The following CCT6A variants were observed in gnomAD, a reference collection of about 807,000 sequenced individuals.
CCT6A encodes the protein chaperonin containing TCP1 subunit 6A.
A neutral mutation model predicts 58.6 loss-of-function variants in CCT6A; 6 were observed. That is an observed-to-expected ratio of 0.10 (90% CI 0.06 to 0.20). The LOEUF (loss-of-function observed/expected upper bound fraction) is 0.20, where lower values mean the gene tolerates loss of function less well. Ranked by LOEUF, CCT6A falls within the 10% of genes least tolerant of loss-of-function variation. The pLI, the probability that CCT6A is intolerant of heterozygous loss-of-function variation, is 1.00. For synonymous variants in CCT6A, 245 were observed against 227.8 expected, an observed-to-expected ratio of 1.08 and a Z score of -0.68; for missense variants, 516 against 648.8, an observed-to-expected ratio of 0.80 and a Z score of 2.22.
At chr7:56,061,893 CGT>C in intron 12 of CCT6A, 44 bp downstream of exon 12, 1 of 1,078,982 alleles carries the variant, frequency 9.3e-7, no homozygotes, top group South Asian at 1.4e-5. Context: ...AGATGTAATA[CGT>C]GTGAGTTGAA....
At chr7:56,054,593 A>G (rs1794264895) in intron 3 of CCT6A, 90 bp downstream of exon 3, 1 of 1,273,514 alleles carries the variant, frequency 7.9e-7, no homozygotes, top group Non-Finnish European at 1.1e-6. Context: ...ATAGTAGCTG[A>G]GGTCATACAG....
At chr7:56,054,555 G>A (rs1274840425) in intron 3 of CCT6A, 52 bp downstream of exon 3, 8 of 1,544,102 alleles carry the variant, frequency 5.2e-6, no homozygotes, top group Non-Finnish European at 1.8e-6. Context: ...GGAAGTGTCT[G>A]ATATTTATAC....
chr7:56,058,353 T>C lies in CCT6A; in HGVS notation c.726-9T>C, dbSNP rs1265106767. 9.0e-6 allele frequency: 14 copies of C among 1,555,100 alleles called. No individual in the cohort carries two copies. The highest frequency in any genetic ancestry group is 1.0e-5 in the Non-Finnish European group (12 of 1,156,508). ...CCCTGCTTTCTGTAACTTTTTTTTT[T>C]CTTAATAGAGAAGTGAATTCTGGCT... On this transcript the variant is annotated splice_polypyrimidine_tract_variant and intron_variant, in intron 6 of 13. Transcript: ENST00000275603.
intron 5 of CCT6A, 141 bp downstream of exon 5, chr7:56,056,555 T>G: frequency 1.8e-6 from 1 of 570,290 alleles, no homozygotes; most frequent in Non-Finnish European, 3.2e-6. Flanking sequence ...AAACCCCGTC[T>G]CTATTAAAAT....
Position 56,063,456 on chromosome 7 carries a change from A to T in CCT6A, c.*371A>T. ...GTATGTTAAATTATCCAACTACCCT[A>T]TTGTTAAGCATTTGGTTTTAAAATT... is the stretch of plus-strand genomic sequence containing the variant. On this transcript the variant is annotated 3_prime_UTR_variant, in exon 14 of 14. Coordinates refer to ENST00000275603, the MANE Select transcript of CCT6A (RefSeq NM_001762.4). The T allele has an allele frequency of 4.9e-6, 1 of 202,364 alleles. No individual in the cohort carries two copies. The highest frequency in any genetic ancestry group is 1.0e-5 in the Non-Finnish European group (1 of 98,748). 12.5% of individuals were successfully genotyped at this position (202,364 alleles called of 1,614,324 possible). A position where few individuals can be genotyped will look rare whatever the true frequency, so the allele number is the denominator to read the frequency against.
chr7:56,053,668 C>T (rs768501715), intron 2 of CCT6A, among the ~76,000 whole-genome samples: 60 of 152,036 alleles, frequency 3.9e-4, no homozygotes, highest in African/African-American at 1.1e-3. Flanking sequence ...GCAGGAGAAT[C>T]GATCGCTTAA....
chr7:56,054,488 T>G lies in CCT6A; in HGVS notation c.321T>G (p.Asp107Glu). ...LIIGELLKQA[D>E]LYISEGLHPR... The stretch of plus-strand genomic sequence containing the variant: ...TTGGAGAGCTGCTGAAACAGGCGGA[T>G]CTCTACATTTCTGAAGTATGCACAA... The change falls in exon 3 of 14, where the codon GAT (aspartate) becomes GAG (glutamate). Residue 107 changes from aspartate (D) to glutamate (E), a missense_variant. Asp to Glu is a conservative substitution (Grantham distance 45). Transcript: ENST00000275603. 6.2e-7 allele frequency: 1 copy of G among 1,613,032 alleles called. No individual in the cohort carries two copies. The highest frequency in any genetic ancestry group is 8.5e-7 in the Non-Finnish European group (1 of 1,179,440).
At chr7:56,052,868 A>G (rs1268810255) in intron 2 of CCT6A, among the ~76,000 whole-genome samples, 1 of 150,094 alleles carries the variant, frequency 6.7e-6, no homozygotes, top group Non-Finnish European at 1.5e-5. Flanking sequence ...ATCTCAACTC[A>G]CTGCAACCTC....
In CCT6A at chr7:56,062,774, A is replaced by C. The variant is rs376466241; in HGVS notation, c.1523+19A>C. Reference sequence around the variant, plus strand: ...ACTCCTGGTAAGTTTGGGAAAATGAAAACTAAACTGTTAGAGAATCATACT... The same window carrying C: ...ACTCCTGGTAAGTTTGGGAAAATGACAACTAAACTGTTAGAGAATCATACT... On this transcript the variant is annotated intron_variant, in intron 13 of 13. Coordinates refer to ENST00000275603, the MANE Select transcript of CCT6A (RefSeq NM_001762.4). 6 of 1,577,006 alleles carry C rather than the reference A, an allele frequency of 3.8e-6. No individual in the cohort carries two copies. Among genetic ancestry groups the C allele is most frequent in the Non-Finnish European group, 5.2e-6 (6 of 1,151,190 alleles).
At position 56,063,848 on chromosome 7, in the gene CCT6A, T is replaced by C. The variant is rs182004775; in HGVS notation, c.*763T>C. The stretch of plus-strand genomic sequence containing the variant: ...TAGCGTCATATTTTTCTCACCCAAA[T>C]TACGTTTCCACGAGATTATTTATAT... On this transcript the variant is annotated 3_prime_UTR_variant, in exon 14 of 14. Coordinates refer to ENST00000275603, the MANE Select transcript of CCT6A (RefSeq NM_001762.4). The C allele has an allele frequency of 5.0e-4, 88 of 174,566 alleles. No homozygotes were observed. The highest frequency in any genetic ancestry group is 2.0e-3 in the African/African-American group (83 of 42,264). The allele number at this position is 174,566 out of a possible 1,614,324, so 10.8% of individuals were successfully genotyped here.
In CCT6A at chr7:56,060,356, A is replaced by G. The variant is rs780327639; in HGVS notation, c.1153A>G (p.Thr385Ala). 1.2e-6 allele frequency: 2 copies of G among 1,614,032 alleles called. No homozygotes were observed. Among genetic ancestry groups the G allele is most frequent in the South Asian group, 1.1e-5 (1 of 91,082 alleles). Reference protein sequence around the residue: ...LIKGPNKHTLTQIKDAVRDGL... With the variant: ...LIKGPNKHTLAQIKDAVRDGL... ...CAAAGGACCAAATAAGCACACACTC[A>G]CTCAGATCAAAGATGCAGTGAGGGA... The change falls in exon 10 of 14, where the codon ACT becomes GCT. Residue 385 changes from threonine to alanine, a missense_variant. Coordinates refer to ENST00000275603, the MANE Select transcript of CCT6A (RefSeq NM_001762.4).
At chr7:56,062,426 C>T (rs774924518) in intron 12 of CCT6A, among the ~76,000 whole-genome samples, 1 of 152,194 alleles carries the variant, frequency 6.6e-6, no homozygotes, top group Admixed American at 6.6e-5. Flanking sequence ...AGTTGAAGTG[C>T]TATACTTCAG....
rs1189358042 is a variant in CCT6A at position 56,054,419 on chromosome 7, G to A, written c.252G>A (p.Gln84=). ...ASLIAKVATA[Q]DDITGDGTTS... ...TAATAGCAAAGGTAGCAACAGCCCA[G>A]GATGATATAACTGGTGATGGTACGA... is the stretch of plus-strand genomic sequence containing the variant. Residue 84 remains glutamine, a synonymous_variant, in exon 3 of 14, where the codon CAG becomes CAA. Transcript: ENST00000275603. The A allele has an allele frequency of 6.2e-7, 1 of 1,612,108 alleles. No individual in the cohort carries two copies. The highest frequency in any genetic ancestry group is 8.5e-7 in the Non-Finnish European group (1 of 1,179,036).
intron 12 of CCT6A, 39 bp downstream of exon 12, chr7:56,061,888 T>A: frequency 8.7e-7 from 1 of 1,146,462 alleles, no homozygotes; most frequent in Non-Finnish European, 1.3e-6. Context: ...AAACTAGATG[T>A]AATACGTGTG....
At position 56,060,833 on chromosome 7, in the gene CCT6A, G is replaced by A. The variant is rs1274461513; in HGVS notation, c.1240G>A (p.Val414Met). 11 of 1,612,396 alleles carry A rather than the reference G, an allele frequency of 6.8e-6. No homozygotes were observed. The highest frequency in any genetic ancestry group is 1.7e-5 in the Admixed American group (1 of 59,852). The stretch of plus-strand genomic sequence containing the variant: ...CTGTGTGGTTCCAGGTGCTGGTGCC[G>A]TGGAAGTGGCAATGGCAGAAGCCCT... ...DGCVVPGAGA[V>M]EVAMAEALIK... Residue 414 changes from valine (V) to methionine (M), a missense_variant, in exon 11 of 14, where the codon GTG (valine) becomes ATG (methionine). Physicochemically the swap from Val to Met is conservative, Grantham distance 21. Transcript: ENST00000275603.
Position 56,060,897 on chromosome 7 carries a change from T to C in CCT6A, c.1304T>C (p.Leu435Pro), listed in dbSNP as rs766003954. The C allele has an allele frequency of 6.2e-7, 1 of 1,613,338 alleles. No homozygotes were observed. The highest frequency in any genetic ancestry group is 1.7e-5 in the Admixed American group (1 of 59,784). ...HKPSVKGRAQLGVQAFADALL... is the reference protein window; with the variant it reads ...HKPSVKGRAQPGVQAFADALL... ...CCCAGTGTAAAGGGCAGGGCACAGC[T>C]TGGAGTCCAAGCATTTGCTGATGCA... The change falls in exon 11 of 14, where the codon CTT becomes CCT. Residue 435 changes from leucine to proline, a missense_variant. By Grantham distance (98) the Leu-to-Pro change is moderately conservative. Around this residue, in one of 3 missense-constraint regions of CCT6A, gnomAD observed 315 missense variants for 389.4 expected, o/e 0.81. Coordinates refer to ENST00000275603, the MANE Select transcript of CCT6A (RefSeq NM_001762.4).
chr7:56,060,813 T>C lies in CCT6A; in HGVS notation c.1220T>C (p.Val407Ala), dbSNP rs1347710137. The C allele has an allele frequency of 2.5e-6, 4 of 1,609,772 alleles. No individual in the cohort carries two copies. The highest frequency in any genetic ancestry group is 3.4e-6 in the Non-Finnish European group (4 of 1,179,300). The change falls in exon 11 of 14, where the codon GTG (valine) becomes GCG (alanine). Residue 407 changes from valine (V) to alanine (A), a missense_variant. Val to Ala is a moderately conservative substitution (Grantham distance 64). Coordinates refer to ENST00000275603, the MANE Select transcript of CCT6A (RefSeq NM_001762.4). The part of the protein sequence containing the change: ...AVKNAIDDGC[V>A]VPGAGAVEVA... ...CTTTTCCCCCATCCAACAGGCTGTG[T>C]GGTTCCAGGTGCTGGTGCCGTGGAA...
intron 2 of CCT6A, 26 bp downstream of exon 2, chr7:56,052,511 G>C: frequency 6.3e-7 from 1 of 1,577,510 alleles, no homozygotes; most frequent in Non-Finnish European, 8.7e-7. Flanking sequence ...GGCTAGGTCA[G>C]AAAGGTCTTG....
chr7:56,058,237 C>T, intron 6 of CCT6A, 125 bp from the exon 7 acceptor site: 1 of 857,704 alleles, frequency 1.2e-6, no homozygotes, highest in Non-Finnish European at 1.8e-6. Context: ...AGGAAACAGT[C>T]TCTGAAGATG....
Sources: gnomAD v4.1 joint callset for allele counts (sites outside exome capture counted in the v4.1 genomes callset) on GRCh38, gnomAD v4.1.1 for gene constraint, gnomAD v4.1.1 regional missense constraint, MANE v1.5 for transcripts, NCBI Gene and HGNC (gene_info 2026-07-23, HGNC 2026-07-21) for gene names.